The following NCKAP5 variants were observed in gnomAD, a reference collection of about 807,000 sequenced individuals.
NCKAP5 encodes the protein NCK associated protein 5.
Under a neutral mutation model 167.0 loss-of-function variants are expected in NCKAP5, and 92 were observed. The ratio of observed to expected loss-of-function variants is 0.55; its 90% confidence interval spans 0.47 to 0.66. The LOEUF is 0.66. NCKAP5 is among the 30% of genes least tolerant of loss of function. The probability of loss-of-function intolerance (pLI) is 0.00; values close to 1 mark genes in which losing one functional copy is unlikely to be tolerated. For synonymous variants in NCKAP5, 891 were observed against 877.4 expected (o/e 1.02, Z -0.27); for missense variants, 2,378 against 2,315.0 (o/e 1.03, Z -0.56).
chr2:132,858,021 G>A (rs1239941408), intron 11 of NCKAP5, among the ~76,000 whole-genome samples: 4 of 152,142 alleles, frequency 2.6e-5, no homozygotes, highest in African/African-American at 9.7e-5. Flanking sequence ...ATCACAATGT[G>A]TTCATAACTC....
At chr2:133,264,079 T>C (rs2089056616) in intron 4 of NCKAP5, among the ~76,000 whole-genome samples, 1 of 152,212 alleles carries the variant, frequency 6.6e-6, no homozygotes, top group Non-Finnish European at 1.5e-5. Context: ...ACCAGGCCAC[T>C]GAAGCCCCAG....
intron 13 of NCKAP5, among the ~76,000 whole-genome samples, chr2:132,786,541 C>T (rs1219313191): frequency 7.2e-5 from 11 of 152,160 alleles, no homozygotes; most frequent in Admixed American, 7.2e-4. Context: ...CTGCCCATCA[C>T]CCTTCCCAAA....
chr2:133,395,270 C>T (rs937939704), intron 3 of NCKAP5, among the ~76,000 whole-genome samples: 1 of 152,312 alleles, frequency 6.6e-6, no homozygotes, highest in South Asian at 2.1e-4. Flanking sequence ...GTAATTAACT[C>T]AATGTCATCC....
chr2:133,664,537 G>T, the NCKAP5 span, among the ~76,000 whole-genome samples: 12 of 152,176 alleles, frequency 7.9e-5, no homozygotes, highest in African/African-American at 2.9e-4. Flanking sequence ...GTCTCGCTCT[G>T]TTGCCAGGCT....
intron 8 of NCKAP5, among the ~76,000 whole-genome samples, chr2:132,881,376 C>T (rs11677169): frequency 0.2 from 29,809 of 151,658 alleles, 3,076 homozygotes; most frequent in East Asian, 0.32. Context: ...GGTTTCACCA[C>T]GTTGGCCAGG....
the NCKAP5 span, among the ~76,000 whole-genome samples, chr2:133,610,629 A>C: frequency 6.6e-6 from 1 of 152,186 alleles, no homozygotes; most frequent in Admixed American, 6.5e-5. Flanking sequence ...CTTTTCTTCA[A>C]GTGAAAAATG....
At chr2:133,324,917 A>G (rs533127956) in intron 3 of NCKAP5, among the ~76,000 whole-genome samples, 7 of 152,274 alleles carry the variant, frequency 4.6e-5, no homozygotes, top group Non-Finnish European at 1.0e-4. Context: ...CATGTTGACC[A>G]GGCTGGTCTC....
intron 3 of NCKAP5, among the ~76,000 whole-genome samples, chr2:133,318,995 G>A (rs1199462420): frequency 6.6e-6 from 1 of 152,044 alleles, no homozygotes; most frequent in East Asian, 1.9e-4. Context: ...CCTTTCCCCA[G>A]GCCCACTGAA....
intron 8 of NCKAP5, among the ~76,000 whole-genome samples, chr2:132,947,129 A>G (rs1489256201): frequency 6.6e-6 from 1 of 152,190 alleles, no homozygotes; most frequent in Non-Finnish European, 1.5e-5. Context: ...ACAGGTGGCA[A>G]TCCTTGAAGA....
chr2:132,887,283 C>T (rs879680377), intron 8 of NCKAP5, among the ~76,000 whole-genome samples: 11 of 151,716 alleles, frequency 7.3e-5, no homozygotes, highest in African/African-American at 2.4e-4. Context: ...TTTTATCTAT[C>T]ATCTATCTAT....
chr2:132,853,881 T>C (rs1164148751), intron 11 of NCKAP5, among the ~76,000 whole-genome samples: 17 of 152,188 alleles, frequency 1.1e-4, no homozygotes, highest in Non-Finnish European at 2.5e-4. Context: ...AAACATAATA[T>C]TTCAAAGCTT....
At chr2:133,484,807 C>CAA (rs58775743) in intron 3 of NCKAP5, among the ~76,000 whole-genome samples, 326 of 150,922 alleles carry the variant, frequency 2.2e-3, no homozygotes, top group African/African-American at 7.5e-3. Context: ...ATTCTAAAAT[C>CAA]AAAAAAAAAT....
At chr2:133,117,662 G>A (rs2082124852) in intron 6 of NCKAP5, 1 of 152,192 alleles carries the variant, frequency 6.6e-6, no homozygotes, top group Non-Finnish European at 1.5e-5. Context: ...TATGTGTCAT[G>A]CATATTGGAA....
chr2:133,372,958 A>T (rs1453091210), intron 3 of NCKAP5, among the ~76,000 whole-genome samples: 1 of 152,182 alleles, frequency 6.6e-6, no homozygotes. Flanking sequence ...CGTAATTCAG[A>T]TCAGTGGTAC....
intron 16 of NCKAP5, among the ~76,000 whole-genome samples, chr2:132,752,943 C>G (rs1574084126): frequency 6.6e-6 from 1 of 152,196 alleles, no homozygotes. Flanking sequence ...ATAATTCCCT[C>G]TTACTTGGGA....
intron 11 of NCKAP5, among the ~76,000 whole-genome samples, chr2:132,820,957 A>G (rs539295875): frequency 1.8e-4 from 28 of 152,312 alleles, no homozygotes; most frequent in African/African-American, 6.7e-4. Context: ...ATATAGTCTG[A>G]AACAGGGTCA....
intron 3 of NCKAP5, among the ~76,000 whole-genome samples, chr2:133,445,643 G>A (rs1318721234): frequency 1.3e-5 from 2 of 152,266 alleles, no homozygotes; most frequent in African/African-American, 4.8e-5. Flanking sequence ...TCATTGGAGT[G>A]ATTGGAGAGG....
At chr2:133,077,703 G>C (rs2080656371) in intron 6 of NCKAP5, among the ~76,000 whole-genome samples, 1 of 152,162 alleles carries the variant, frequency 6.6e-6, no homozygotes, top group African/African-American at 2.4e-5. Context: ...TCCAAGGCTA[G>C]GCTTTTCTGA....
intron 11 of NCKAP5, among the ~76,000 whole-genome samples, chr2:132,822,535 G>A (rs1370967740): frequency 6.6e-6 from 1 of 152,176 alleles, no homozygotes; most frequent in Non-Finnish European, 1.5e-5. Context: ...GCACCCCGTG[G>A]GACAAGAGAA....
Sources: allele counts gnomAD v4.1 joint callset (sites outside exome capture counted in the v4.1 genomes callset), GRCh38; gene constraint gnomAD v4.1.1; transcripts MANE v1.5; gene names NCBI Gene and HGNC (gene_info 2026-07-23, HGNC 2026-07-21).